Variants in C12orf54 observed in about 807,000 individuals in gnomAD.
The protein encoded by C12orf54 is chromosome 12 open reading frame 54.
In C12orf54, 24 loss-of-function variants were observed where a neutral mutation model predicts 26.4. The observed-to-expected ratio is 0.91, with a 90% confidence interval of 0.66 to 1.28. C12orf54 has a LOEUF of 1.28. Among genes scored for constraint, C12orf54 ranks in the 50% most tolerant of loss-of-function variants. The pLI is 0.00. For synonymous variants in C12orf54, 54 were observed against 47.0 expected (o/e 1.15, Z -0.61); for missense variants, 154 against 150.9 (o/e 1.02, Z -0.11).
the C12orf54 span, among the ~76,000 whole-genome samples, chr12:48,470,987 A>T: frequency 6.6e-6 from 1 of 152,028 alleles, no homozygotes; most frequent in Non-Finnish European, 1.5e-5. Context: ...ACACTCTTTA[A>T]ATTATTTTTA....
At chr12:48,431,011 A>G in the C12orf54 span, among the ~76,000 whole-genome samples, 1 of 152,244 alleles carries the variant, frequency 6.6e-6, no homozygotes, top group African/African-American at 2.4e-5. Context: ...CCTGGGTGAG[A>G]CTGGAGACTA....
At chr12:48,488,479 G>GA (rs1937707613) in intron 4 of C12orf54, 3 of 223,902 alleles carry the variant, frequency 1.3e-5, no homozygotes, top group South Asian at 8.7e-5. Context: ...TAAACTTACA[G>GA]CCAAAAAAAA....
chr12:48,452,393 C>T, the C12orf54 span, among the ~76,000 whole-genome samples: 4 of 152,212 alleles, frequency 2.6e-5, no homozygotes, highest in African/African-American at 9.6e-5. Context: ...TACAAGAAAA[C>T]TTAGGCAATA....
At chr12:48,458,787 C>T in the C12orf54 span, among the ~76,000 whole-genome samples, 1 of 151,378 alleles carries the variant, frequency 6.6e-6, no homozygotes, top group African/African-American at 2.4e-5. Context: ...ACCTCACTTC[C>T]TATTTTGGAA....
At chr12:48,418,161 T>A in the C12orf54 span, among the ~76,000 whole-genome samples, 2 of 152,164 alleles carry the variant, frequency 1.3e-5, no homozygotes, top group African/African-American at 4.8e-5. Context: ...ATAGTGGAGA[T>A]CACGTTGGGA....
At chr12:48,417,846 G>T in the C12orf54 span, among the ~76,000 whole-genome samples, 1 of 152,042 alleles carries the variant, frequency 6.6e-6, no homozygotes, top group Non-Finnish European at 1.5e-5. Flanking sequence ...TTAGTTTTCT[G>T]TTCCTGCACT....
At chr12:48,448,207 G>C in the C12orf54 span, among the ~76,000 whole-genome samples, 1 of 152,200 alleles carries the variant, frequency 6.6e-6, no homozygotes. Context: ...CTGAATTATA[G>C]AGCCATGAGC....
chr12:48,443,862 G>A, the C12orf54 span, among the ~76,000 whole-genome samples: 1 of 152,144 alleles, frequency 6.6e-6, no homozygotes, highest in African/African-American at 2.4e-5. Context: ...TGTTCATACT[G>A]CAAAACAGGC....
chr12:48,456,945 C>T, the C12orf54 span, among the ~76,000 whole-genome samples: 5 of 151,898 alleles, frequency 3.3e-5, no homozygotes, highest in Non-Finnish European at 7.4e-5. Context: ...GACCAGTCTG[C>T]CAAGAATCTT....
the C12orf54 span, among the ~76,000 whole-genome samples, chr12:48,469,478 A>T: frequency 6.6e-6 from 1 of 152,290 alleles, no homozygotes; most frequent in African/African-American, 2.4e-5. Context: ...AATTGCTGTT[A>T]TCCTGTTCTT....
chr12:48,473,192 G>T, the C12orf54 span: 1 of 1,377,506 alleles, frequency 7.3e-7, no homozygotes, highest in East Asian at 2.3e-5. Flanking sequence ...ATGAGGATGA[G>T]GAGGAGTATG....
chr12:48,458,092 G>A, the C12orf54 span, among the ~76,000 whole-genome samples: 1 of 152,206 alleles, frequency 6.6e-6, no homozygotes, highest in Non-Finnish European at 1.5e-5. Flanking sequence ...ACTGGCCAGA[G>A]GCCCACCTTG....
chr12:48,486,825 T>G, intron 4 of C12orf54, 99 bp downstream of exon 4: 20 of 1,260,600 alleles, frequency 1.6e-5, no homozygotes, highest in African/African-American at 3.0e-5. Flanking sequence ...CTTGAGCGGT[T>G]TGTTGATTGA....
the C12orf54 span, among the ~76,000 whole-genome samples, chr12:48,448,001 C>A: frequency 6.6e-6 from 1 of 151,194 alleles, no homozygotes; most frequent in Non-Finnish European, 1.5e-5. Context: ...GAGCAAAGAC[C>A]AGCCCCCAGC....
At chr12:48,493,522 A>ACTCG (rs1937837585) in intron 7 of C12orf54, among the ~76,000 whole-genome samples, 1 of 150,646 alleles carries the variant, frequency 6.6e-6, no homozygotes, top group Non-Finnish European at 1.5e-5. Flanking sequence ...CGGGAGGCTG[A>ACTCG]GGTGAAAGGA....
intron 6 of C12orf54, among the ~76,000 whole-genome samples, chr12:48,492,701 C>T (rs2731106): frequency 0.34 from 51,676 of 152,104 alleles, 9,064 homozygotes; most frequent in African/African-American, 0.36. Flanking sequence ...ATTTCTCTAA[C>T]TCAGTTCCCA....
chr12:48,431,204 A>G, the C12orf54 span, among the ~76,000 whole-genome samples: 1 of 152,174 alleles, frequency 6.6e-6, no homozygotes, highest in Non-Finnish European at 1.5e-5. Context: ...TGTACTGCTC[A>G]GGTGATGGGT....
the C12orf54 span, among the ~76,000 whole-genome samples, chr12:48,441,425 T>G: frequency 6.6e-6 from 1 of 152,036 alleles, no homozygotes; most frequent in East Asian, 1.9e-4. Flanking sequence ...ACCGTGCCAC[T>G]GCACTCCAGC....
chr12:48,432,606 A>G, the C12orf54 span, among the ~76,000 whole-genome samples: 2 of 152,252 alleles, frequency 1.3e-5, no homozygotes, highest in Admixed American at 1.3e-4. Context: ...ACACTGGCTC[A>G]TGCCTGTAAT....
Sources: allele counts gnomAD v4.1 joint callset (sites outside exome capture counted in the v4.1 genomes callset), GRCh38; gene constraint gnomAD v4.1.1; transcripts MANE v1.5; gene names NCBI Gene and HGNC (gene_info 2026-07-23, HGNC 2026-07-21).